Variants in VPS26B observed in about 807,000 individuals in gnomAD.
The protein encoded by VPS26B is vacuolar protein sorting-associated protein 26B.
A neutral mutation model predicts 33.3 loss-of-function variants in VPS26B; 10 were observed. That is an observed-to-expected ratio of 0.30 (90% confidence interval 0.19 to 0.51). VPS26B has a LOEUF of 0.51. Ranked by LOEUF, VPS26B falls within the 20% of genes least tolerant of loss-of-function variation. The pLI is 0.98. For missense variants in VPS26B, 317 were observed against 452.7 expected (o/e 0.70, Z 2.72); for synonymous variants, 190 against 176.9 (o/e 1.07, Z -0.59).
Position 134,234,903 on chromosome 11 carries a change from A to C in VPS26B, c.230A>C (p.Tyr77Ser), listed in dbSNP as rs1192969088. The C allele has an allele frequency of 5.6e-6, 9 of 1,614,036 alleles. No homozygotes were observed. Among genetic ancestry groups the C allele is most frequent in the Non-Finnish European group, 7.6e-6 (9 of 1,179,958 alleles). The change falls in exon 2 of 6, where the codon TAC (tyrosine) becomes TCC (serine). Residue 77 changes from tyrosine (Y) to serine (S), a missense_variant. Coordinates refer to ENST00000281187, the MANE Select transcript of VPS26B (RefSeq NM_052875.5). ...CATCGCTGTCTCTCACCAGAACTCTACTACGATCGCGGGAACCACCATGAG... is the reference window on the plus strand; with the variant it reads ...CATCGCTGTCTCTCACCAGAACTCTCCTACGATCGCGGGAACCACCATGAG... ...KIEFIGQIEL[Y>S]YDRGNHHEFV...
At chr11:134,243,523 CT>C (rs1938764990) in intron 4 of VPS26B, 3 of 556,322 alleles carry the variant, frequency 5.4e-6, no homozygotes, top group Middle Eastern at 4.8e-4. Context: ...TGCACTTAGA[CT>C]TGGATTATAT....
intron 1 of VPS26B, among the ~76,000 whole-genome samples, chr11:134,228,642 C>T (rs1938513502): frequency 6.6e-6 from 1 of 152,230 alleles, no homozygotes. Context: ...CACAGAGTGA[C>T]TTTTCTTAAA....
chr11:134,235,089 G>T (rs763307632), intron 2 of VPS26B, 36 bp downstream of exon 2: 1 of 1,594,980 alleles, frequency 6.3e-7, no homozygotes, highest in Admixed American at 1.7e-5. Context: ...CTGTACCCTA[G>T]AACCTGCCCC....
chr11:134,231,852 T>C (rs1225494326), intron 1 of VPS26B, among the ~76,000 whole-genome samples: 1 of 152,184 alleles, frequency 6.6e-6, no homozygotes, highest in Admixed American at 6.5e-5. Flanking sequence ...CATGAACCAC[T>C]ACGCCTGGCC....
At position 134,240,468 on chromosome 11, in the gene VPS26B, C is replaced by T. The variant is rs1304736770; in HGVS notation, c.545+313C>T. On this transcript the variant is annotated intron_variant, in intron 3 of 5. Coordinates refer to ENST00000281187, the MANE Select transcript of VPS26B (RefSeq NM_052875.5). This position sits in a 1 kb window ranked among gnomAD's most constrained non-coding sequence, Gnocchi z 4.4. ...GTTATTTGTTTTGGAATTCCAGCTTCAGCTGTTTCCCGCTACTGCTAAGAA... is the reference window on the plus strand; with the variant it reads ...GTTATTTGTTTTGGAATTCCAGCTTTAGCTGTTTCCCGCTACTGCTAAGAA... 3.3e-5 allele frequency among the ~76,000 whole-genome samples: 5 copies of T among 152,248 alleles called. No individual in the cohort carries two copies. The highest frequency in any genetic ancestry group is 1.2e-4 in the African/African-American group (5 of 41,456).
At chr11:134,241,524 C>A (rs1938725375) in intron 3 of VPS26B, among the ~76,000 whole-genome samples, 1 of 152,178 alleles carries the variant, frequency 6.6e-6, no homozygotes, top group African/African-American at 2.4e-5. Flanking sequence ...AGGTTCTCCC[C>A]CTTTCTCCTT....
intron 1 of VPS26B, 69 bp from the exon 2 acceptor site, chr11:134,234,828 G>GC (rs772465632): frequency 1.9e-6 from 3 of 1,563,738 alleles, no homozygotes; most frequent in African/African-American, 1.4e-5. Context: ...ACAGCCTCCA[G>GC]CCCCCTACTC....
intron 3 of VPS26B, among the ~76,000 whole-genome samples, chr11:134,241,893 C>T (rs887389409): frequency 3.3e-5 from 5 of 152,208 alleles, no homozygotes; most frequent in East Asian, 1.9e-4. Context: ...ATCTGTAAAA[C>T]GAGGAGCTTG....
chr11:134,225,308 G>A lies in VPS26B; in HGVS notation c.186G>A (p.Glu62=), dbSNP rs376539523. The A allele has an allele frequency of 6.2e-6, 10 of 1,613,962 alleles. No homozygotes were observed. The highest frequency in any genetic ancestry group is 8.5e-6 in the Non-Finnish European group (10 of 1,179,968). ...TCAAGAACCCCAACAAGCGGCTGGA[G>A]CACCAGGGCATCAAGATCGAGTTCA... ...LALKNPNKRL[E]HQGIKIEFIG... is the part of the protein sequence containing the mutation. The change falls in exon 1 of 6, where the codon GAG becomes GAA. Residue 62 remains glutamate, a synonymous_variant. Coordinates refer to ENST00000281187, the MANE Select transcript of VPS26B (RefSeq NM_052875.5).
chr11:134,241,970 C>T lies in VPS26B; in HGVS notation c.546-1149C>T, dbSNP rs5026450. 9.7e-3 allele frequency among the ~76,000 whole-genome samples: 1,475 copies of T among 152,344 alleles called. 13 individuals are homozygous for T. Among genetic ancestry groups the T allele is most frequent in the South Asian group, 0.029 (141 of 4,822 alleles). The stretch of plus-strand genomic sequence containing the variant: ...GGCAGCGGAGCTGAGATCCTTAGAC[C>T]CTCTGGCCTTCCGCTTTTCTTCCAT... On this transcript the variant is annotated intron_variant, in intron 3 of 5. Coordinates refer to ENST00000281187, the MANE Select transcript of VPS26B (RefSeq NM_052875.5).
Position 134,235,039 on chromosome 11 carries a change from G to C in VPS26B, c.366G>C (p.Gln122His). The change falls in exon 2 of 6, where the codon CAG becomes CAC. Residue 122 changes from glutamine (Q) to histidine (H), a missense_variant. Physicochemically the swap from Gln to His is conservative, Grantham distance 24 (BLOSUM62 0). Coordinates refer to ENST00000281187, the MANE Select transcript of VPS26B (RefSeq NM_052875.5). ...AGCCGTATGAGTCCTACACAGGGCA[G>C]AATGTGAAGCTACGGTAAGTGATGT... Reference protein sequence around the residue: ...VEKPYESYTGQNVKLRYFLRA... With the variant: ...VEKPYESYTGHNVKLRYFLRA... 9 of 1,613,868 alleles carry C rather than the reference G, an allele frequency of 5.6e-6. No individual in the cohort carries two copies. The highest frequency in any genetic ancestry group is 7.6e-6 in the Non-Finnish European group (9 of 1,179,870).
At chr11:134,226,465 G>A (rs995400005) in intron 1 of VPS26B, among the ~76,000 whole-genome samples, 2 of 152,200 alleles carry the variant, frequency 1.3e-5, no homozygotes, top group African/African-American at 4.8e-5. Context: ...TAATGGTAAA[G>A]TGATTTGGGG....
intron 1 of VPS26B, among the ~76,000 whole-genome samples, chr11:134,231,700 G>C (rs1938557479): frequency 6.6e-6 from 1 of 152,174 alleles, no homozygotes; most frequent in African/African-American, 2.4e-5. Context: ...GAGTAGCTGG[G>C]ATTACAGATG....
chr11:134,247,521 T>C lies in VPS26B; in HGVS notation c.*1931T>C, dbSNP rs1157106432. On this transcript the variant is annotated 3_prime_UTR_variant, in exon 6 of 6. Coordinates refer to ENST00000281187, the MANE Select transcript of VPS26B (RefSeq NM_052875.5). ...CACAAGCCAGGTCTTCTGTTTTCTCTTTCTTACTCTACCCACATTCTTGCC... is the reference window on the plus strand; with the variant it reads ...CACAAGCCAGGTCTTCTGTTTTCTCCTTCTTACTCTACCCACATTCTTGCC... The C allele has an allele frequency of 6.6e-6, 1 of 152,586 alleles. No homozygotes were observed. The highest frequency in any genetic ancestry group is 1.5e-5 in the Non-Finnish European group (1 of 68,044). 9.5% of individuals were successfully genotyped at this position (152,586 alleles called of 1,614,324 possible).
At chr11:134,242,490 G>C (rs1938743376) in intron 3 of VPS26B, among the ~76,000 whole-genome samples, 1 of 152,218 alleles carries the variant, frequency 6.6e-6, no homozygotes, top group Non-Finnish European at 1.5e-5. Context: ...GCCTGATACG[G>C]GCTGTGCACA....
Position 134,239,983 on chromosome 11 carries a change from T to A in VPS26B, c.381-8T>A, listed in dbSNP as rs1938692264. Reference sequence around the variant, plus strand: ...AGTGTTTATTCATGACAGTTCCGTCTCCTACAGCTATTTCCTTCGTGCTAC... The same window carrying A: ...AGTGTTTATTCATGACAGTTCCGTCACCTACAGCTATTTCCTTCGTGCTAC... On this transcript the variant is annotated splice_polypyrimidine_tract_variant and splice_region_variant and intron_variant, in intron 2 of 5. Coordinates refer to ENST00000281187, the MANE Select transcript of VPS26B (RefSeq NM_052875.5). The A allele has an allele frequency of 5.0e-6, 8 of 1,614,140 alleles. No homozygotes were observed. The highest frequency in any genetic ancestry group is 6.8e-6 in the Non-Finnish European group (8 of 1,180,018).
At chr11:134,241,227 C>T (rs1218919768) in intron 3 of VPS26B, among the ~76,000 whole-genome samples, 1 of 152,192 alleles carries the variant, frequency 6.6e-6, no homozygotes, top group African/African-American at 2.4e-5. Flanking sequence ...TTCATTGTGG[C>T]ACCCCCTGGA....
In VPS26B at chr11:134,240,846, G is replaced by A. The variant is rs1938713469; in HGVS notation, c.545+691G>A. ...GTGTGTGTAGCCAAGGTTTCATAAT[G>A]TTGCCCAGGCTGGTCTTGAACTACT... On this transcript the variant is annotated intron_variant, in intron 3 of 5. Coordinates refer to ENST00000281187, the MANE Select transcript of VPS26B (RefSeq NM_052875.5). The surrounding 1 kb of genome is among the most constrained non-coding windows in gnomAD (Gnocchi z 4.4). Among the ~76,000 whole-genome samples, 2 of 146,466 alleles carry A rather than the reference G, an allele frequency of 1.4e-5. No individual in the cohort carries two copies. Among genetic ancestry groups the A allele is most frequent in the South Asian group, 4.5e-4 (2 of 4,492 alleles).
chr11:134,243,529 T>A, intron 4 of VPS26B: 2 of 548,716 alleles, frequency 3.6e-6, no homozygotes, highest in Non-Finnish European at 6.4e-6. Context: ...TAGACTTGGA[T>A]TATATATCGG....
Sources: allele counts gnomAD v4.1 joint callset (sites outside exome capture counted in the v4.1 genomes callset), GRCh38; gene constraint gnomAD v4.1.1; non-coding constraint Gnocchi (gnomAD v3.1); transcripts MANE v1.5; gene names NCBI Gene and HGNC (gene_info 2026-07-23, HGNC 2026-07-21).